The following RIIAD1 variants were observed in gnomAD, a reference collection of about 807,000 sequenced individuals.
RIIAD1 encodes the protein RIIa domain-containing protein 1.
RIIAD1 carries 15 observed loss-of-function variants against 13.3 expected under a neutral mutation model. The ratio of observed to expected loss-of-function variants is 1.13; its 90% CI spans 0.76 to 1.74. The LOEUF (loss-of-function observed/expected upper bound fraction) is 1.74. Ranked by LOEUF, RIIAD1 falls within the 40% of genes most tolerant of loss-of-function variation. RIIAD1 has a pLI of 0.00. For missense variants in RIIAD1, 121 were observed against 112.2 expected (o/e 1.08, Z -0.35); for synonymous variants, 50 against 43.3 (o/e 1.16, Z -0.61).
At chr1:151,714,732 T>A (rs906272183) in intron 4 of RIIAD1, 3 of 1,216,282 alleles carry the variant, frequency 2.5e-6, no homozygotes, top group Non-Finnish European at 1.2e-6. Context: ...CCATCTCCCC[T>A]CTCTGAAAGG....
intron 2 of RIIAD1, among the ~76,000 whole-genome samples, chr1:151,712,224 T>A (rs1673084444): frequency 6.6e-6 from 1 of 152,100 alleles, no homozygotes; most frequent in African/African-American, 2.4e-5. Context: ...AAGCCCTCCC[T>A]CGGGCCTCCC....
chr1:151,717,448 C>G (rs1462099356), upstream of RIIAD1, among the ~76,000 whole-genome samples: 4 of 152,258 alleles, frequency 2.6e-5, no homozygotes, highest in African/African-American at 9.6e-5. Flanking sequence ...CCTTCTCTCC[C>G]TCTGGGGGGT....
At chr1:151,716,566 T>C (rs893344606), upstream of RIIAD1, 1 of 344,192 alleles carries the variant, frequency 2.9e-6, no homozygotes, top group Non-Finnish European at 5.9e-6. Context: ...CGGATCCTTC[T>C]GCTGGGTCCG....
intron 2 of RIIAD1, among the ~76,000 whole-genome samples, chr1:151,712,925 GCACA>G (rs759074184): frequency 6.6e-6 from 1 of 151,982 alleles, no homozygotes; most frequent in Non-Finnish European, 1.5e-5. Context: ...ACTCATGCAT[GCACA>G]CACACACTGC....
chr1:151,711,984 G>A (rs1390648764), exon 2 of RIIAD1: 1 of 152,264 alleles, frequency 6.6e-6, no homozygotes, highest in Non-Finnish European at 1.5e-5. Flanking sequence ...ACCACAGCAA[G>A]GACCGTGCTG....
chr1:151,721,617 C>A lies in RIIAD1; in HGVS notation c.81C>A (p.Phe27Leu). The A allele has an allele frequency of 7.8e-7, 1 of 1,288,728 alleles. No homozygotes were observed. The highest frequency in any genetic ancestry group is 2.3e-5 in the South Asian group (1 of 43,108). 79.8% of individuals were successfully genotyped at this position (1,288,728 alleles called of 1,614,324 possible). A position where few individuals can be genotyped will look rare whatever the true frequency, so the allele number is the denominator to read the frequency against. ...CGCAGCTGGAGCAGCTGCGAAAATT[C>A]AAGGTGGGTGCGCCCGCGCCCCCAT... ...SAAQLEQLRK[F>L]KIQTRIANEK... is the part of the protein sequence containing the mutation. The change falls in exon 1 of 5, where the codon TTC (phenylalanine) becomes TTA (leucine). Residue 27 changes from phenylalanine to leucine, a missense_variant. Coordinates refer to ENST00000479191, the MANE Select transcript of RIIAD1 (RefSeq NM_001144956.3).
At position 151,715,506 on chromosome 1, in the gene RIIAD1, C is replaced by CA. The variant is rs570408595; in HGVS notation, c.21+978dup. 1.6e-3 allele frequency: 1,190 copies of CA among 751,386 alleles called. 3 individuals carry two copies. The highest frequency in any genetic ancestry group is 2.3e-3 in the Non-Finnish European group (1,137 of 495,608). The allele number at this position is 751,386 out of a possible 1,614,324, so 46.5% of individuals were successfully genotyped here. On this transcript the variant is annotated intron_variant, in intron 4 of 8. Transcript: ENST00000326413. ...TATTATCTGAGGCTGCTCAGATTCT[C>CA]AGTCTTGCTGCACACGCACACACAC... is the stretch of plus-strand genomic sequence containing the variant.
chr1:151,729,688 C>T lies in RIIAD1; in HGVS notation c.*258C>T, dbSNP rs559828985. 13 of 152,362 alleles carry T rather than the reference C, an allele frequency of 8.5e-5. No homozygotes were observed. Among genetic ancestry groups the T allele is most frequent in the Admixed American group, 5.9e-4 (9 of 15,306 alleles). The allele number at this position is 152,362 out of a possible 1,614,324, so 9.4% of individuals were successfully genotyped here. Reference sequence around the variant, plus strand: ...GCCCCACTTTGACGTGTGAGGCAGCCGGCCTGTTTCTGCTTTCAGGGCGGC... The same window carrying T: ...GCCCCACTTTGACGTGTGAGGCAGCTGGCCTGTTTCTGCTTTCAGGGCGGC... On this transcript the variant is annotated 3_prime_UTR_variant, in exon 5 of 5. Coordinates refer to ENST00000479191, the MANE Select transcript of RIIAD1 (RefSeq NM_001144956.3).
chr1:151,720,686 T>A (rs1485315484), upstream of RIIAD1, among the ~76,000 whole-genome samples: 1 of 152,194 alleles, frequency 6.6e-6, no homozygotes, highest in African/African-American at 2.4e-5. Context: ...ACAGCCTCCC[T>A]TTTTTCTCCT....
chr1:151,715,114 G>A (rs375618436), intron 4 of RIIAD1, among the ~76,000 whole-genome samples: 1 of 152,080 alleles, frequency 6.6e-6, no homozygotes, highest in Admixed American at 6.5e-5. Context: ...GGCAGGTGGA[G>A]GACGGAGAGT....
chr1:151,711,659 C>T (rs1286714523), intron 1 of RIIAD1, among the ~76,000 whole-genome samples: 2 of 152,218 alleles, frequency 1.3e-5, no homozygotes, highest in African/African-American at 2.4e-5. Context: ...TGGGCTTTCA[C>T]CTCCTTCTCT....
In RIIAD1 at chr1:151,721,575, C is replaced by T. The variant is rs554907050; in HGVS notation, c.39C>T (p.Pro13=). 5.3e-6 allele frequency: 7 copies of T among 1,322,110 alleles called. No individual in the cohort carries two copies. In the South Asian group the frequency reaches 7.6e-5, roughly 14 times the overall value. 81.9% of individuals were successfully genotyped at this position (1,322,110 alleles called of 1,614,324 possible). ...CAGGCTTGCTGCAGCGGCCCGACCC[C>T]GGGGCGCTTAGCGCAGCGCAGCTGG... ...TLPGLLQRPD[P]GALSAAQLEQ... Residue 13 remains proline, a synonymous_variant, in exon 1 of 5, where the codon CCC becomes CCT. Coordinates refer to ENST00000479191, the MANE Select transcript of RIIAD1 (RefSeq NM_001144956.3).
chr1:151,723,581 T>G (rs1673777695), intron 2 of RIIAD1, among the ~76,000 whole-genome samples: 1 of 151,910 alleles, frequency 6.6e-6, no homozygotes, highest in Non-Finnish European at 1.5e-5. Flanking sequence ...GTGCCTGTAA[T>G]CCCAGCTACC....
At chr1:151,719,081 T>C (rs528311507), upstream of RIIAD1, among the ~76,000 whole-genome samples, 101 of 152,312 alleles carry the variant, frequency 6.6e-4, no homozygotes, top group African/African-American at 2.3e-3. Context: ...CAGTCAGTAA[T>C]TGGGGAGACA....
intron 2 of RIIAD1, among the ~76,000 whole-genome samples, chr1:151,726,343 T>C (rs563106836): frequency 7.6e-4 from 116 of 152,382 alleles, no homozygotes; most frequent in Non-Finnish European, 1.6e-3. Context: ...CTGTAAATTA[T>C]TTGAGGTAGG....
intron 4 of RIIAD1, chr1:151,715,906 T>C: frequency 6.2e-7 from 1 of 1,614,134 alleles, no homozygotes; most frequent in East Asian, 2.2e-5. Flanking sequence ...TTGTCCTTGA[T>C]GACAGTCAGC....
At chr1:151,714,133 C>T (rs1415282851) in intron 3 of RIIAD1, among the ~76,000 whole-genome samples, 1 of 152,196 alleles carries the variant, frequency 6.6e-6, no homozygotes, top group African/African-American at 2.4e-5. Context: ...CAAGAACCAG[C>T]ACCGAGATGC....
intron 2 of RIIAD1, among the ~76,000 whole-genome samples, chr1:151,712,506 A>G (rs1295257849): frequency 6.6e-6 from 1 of 152,158 alleles, no homozygotes; most frequent in African/African-American, 2.4e-5. Flanking sequence ...GGGAAGGCCC[A>G]TGTCCCCCAA....
intron 1 of RIIAD1, 181 bp downstream of exon 1, chr1:151,721,801 G>T (rs1558118477): frequency 3.6e-6 from 2 of 562,860 alleles, no homozygotes; most frequent in Non-Finnish European, 3.1e-6. Flanking sequence ...AGCACAGAGC[G>T]CGACGGGCAT....
Sources: gnomAD v4.1 joint callset for allele counts (sites outside exome capture counted in the v4.1 genomes callset) on GRCh38, gnomAD v4.1.1 for gene constraint, MANE v1.5 for transcripts, NCBI Gene and HGNC (gene_info 2026-07-23, HGNC 2026-07-21) for gene names.